Variants in PDSS2 observed in about 807,000 individuals in gnomAD.
PDSS2 encodes the protein all trans-polyprenyl-diphosphate synthase PDSS2.
Under a neutral mutation model 44.5 loss-of-function variants are expected in PDSS2, and 31 were observed. The observed-to-expected ratio is 0.70, with a 90% confidence interval of 0.52 to 0.94. The LOEUF is 0.94. Ranked by LOEUF, PDSS2 falls within the 40% of genes least tolerant of loss-of-function variation. The pLI, the probability that PDSS2 is intolerant of heterozygous loss-of-function variation, is 0.00. For missense variants in PDSS2, 452 were observed against 482.2 expected (o/e 0.94, Z 0.59); for synonymous variants, 157 against 180.3 (o/e 0.87, Z 1.03).
chr6:107,229,865 C>A (rs1292110982), intron 4 of PDSS2: 1 of 182,298 alleles, frequency 5.5e-6, no homozygotes. Context: ...TGGAGGGCAA[C>A]AGTACCTAAG....
chr6:107,313,445 T>G (rs1034049678), intron 2 of PDSS2, among the ~76,000 whole-genome samples: 1 of 152,064 alleles, frequency 6.6e-6, no homozygotes, highest in Non-Finnish European at 1.5e-5. Context: ...CTCTGCCTCC[T>G]AGATTCAAGC....
At chr6:107,200,572 TA>T (rs1161784026) in intron 6 of PDSS2, among the ~76,000 whole-genome samples, 2 of 152,228 alleles carry the variant, frequency 1.3e-5, no homozygotes, top group Non-Finnish European at 2.9e-5. Flanking sequence ...AACAACTATG[TA>T]AACTCCATAA....
Position 107,210,576 on chromosome 6 carries a change from A to G in PDSS2, c.877-6T>C, listed in dbSNP as rs1418110367. The G allele has an allele frequency of 3.2e-6, 5 of 1,573,954 alleles. No individual in the cohort carries two copies. Among genetic ancestry groups the G allele is most frequent in the Non-Finnish European group, 3.5e-6 (4 of 1,143,936 alleles). ...GGCTGGACATCAGAATTTATCTACAAGAAGCAATTAAATGAGTAAATTAGT... is the reference window on the plus strand; with the variant it reads ...GGCTGGACATCAGAATTTATCTACAGGAAGCAATTAAATGAGTAAATTAGT... On this transcript the variant is annotated splice_region_variant and splice_polypyrimidine_tract_variant and intron_variant, in intron 5 of 7. Transcript: ENST00000369037.
At chr6:107,291,745 G>C (rs955419398) in intron 2 of PDSS2, among the ~76,000 whole-genome samples, 2 of 151,858 alleles carry the variant, frequency 1.3e-5, no homozygotes, top group Non-Finnish European at 2.9e-5. Flanking sequence ...GGGCACGGTG[G>C]CTCATGCCTG....
intron 7 of PDSS2, among the ~76,000 whole-genome samples, chr6:107,183,682 G>A (rs545316450): frequency 6.6e-6 from 1 of 152,236 alleles, no homozygotes; most frequent in East Asian, 1.9e-4. Context: ...GGCAGATCAC[G>A]AGGTCAGGAG....
At chr6:107,397,135 T>C (rs1479058699) in intron 1 of PDSS2, among the ~76,000 whole-genome samples, 1 of 152,026 alleles carries the variant, frequency 6.6e-6, no homozygotes. Flanking sequence ...TCCTCTAGAT[T>C]AGTAGTTCTC....
At chr6:107,244,586 G>C (rs1774548701) in intron 4 of PDSS2, among the ~76,000 whole-genome samples, 1 of 152,154 alleles carries the variant, frequency 6.6e-6, no homozygotes, top group Non-Finnish European at 1.5e-5. Context: ...ACCAAACGTT[G>C]GCAGATGTCC....
intron 7 of PDSS2, among the ~76,000 whole-genome samples, chr6:107,189,729 G>C (rs1772303869): frequency 6.6e-6 from 1 of 152,114 alleles, no homozygotes; most frequent in South Asian, 2.1e-4. Flanking sequence ...GCCATTGCTT[G>C]GTCCAGGGGT....
In PDSS2 at chr6:107,154,220, A is replaced by G. The variant is rs1183088908; in HGVS notation, c.*399T>C. 1 of 267,462 alleles carries G rather than the reference A, an allele frequency of 3.7e-6. No homozygotes were observed. The highest frequency in any genetic ancestry group is 7.2e-6 in the Non-Finnish European group (1 of 138,110). The allele number at this position is 267,462 out of a possible 1,614,324, so 16.6% of individuals were successfully genotyped here. ...ATCCTCCCTGGTTGGTATTGAGAGC[A>G]TTTCTCTTGACACCTGCAGCTTCCA... On this transcript the variant is annotated 3_prime_UTR_variant, in exon 8 of 8. Coordinates refer to ENST00000369037, the MANE Select transcript of PDSS2 (RefSeq NM_020381.4).
intron 1 of PDSS2, among the ~76,000 whole-genome samples, chr6:107,368,889 A>T (rs1323004032): frequency 6.6e-6 from 1 of 152,198 alleles, no homozygotes; most frequent in African/African-American, 2.4e-5. Context: ...AAAGAACAAA[A>T]TTAGAGGACT....
Position 107,264,229 on chromosome 6 carries a change from G to A in PDSS2, c.630+9800C>T, listed in dbSNP as rs1471831433. 5 of 1,240,326 alleles carry A rather than the reference G, an allele frequency of 4.0e-6. No individual in the cohort carries two copies. The East Asian group carries it at 1.4e-4, about 34-fold the overall frequency. The allele number at this position is 1,240,326 out of a possible 1,614,324, so 76.8% of individuals were successfully genotyped here. On this transcript the variant is annotated intron_variant, in intron 3 of 7. Coordinates refer to ENST00000369037, the MANE Select transcript of PDSS2 (RefSeq NM_020381.4). ...TTAAACTATATAGATGGTGTAAAGGGAGATTTATATGCATAAATTGAGCAT... is the reference window on the plus strand; with the variant it reads ...TTAAACTATATAGATGGTGTAAAGGAAGATTTATATGCATAAATTGAGCAT...
chr6:107,388,477 C>G (rs1248115670), intron 1 of PDSS2, among the ~76,000 whole-genome samples: 2 of 139,686 alleles, frequency 1.4e-5, no homozygotes, highest in Non-Finnish European at 3.0e-5. Context: ...GAGACGGAGT[C>G]TCGCTCTGTC....
chr6:107,456,212 T>C (rs565116113), intron 1 of PDSS2, among the ~76,000 whole-genome samples: 2 of 152,092 alleles, frequency 1.3e-5, no homozygotes, highest in African/African-American at 2.4e-5. Context: ...TCCCAGGTAC[T>C]TGGGGGGCTG....
chr6:107,235,530 C>T (rs991730562), intron 4 of PDSS2, among the ~76,000 whole-genome samples: 1 of 152,172 alleles, frequency 6.6e-6, no homozygotes, highest in African/African-American at 2.4e-5. Flanking sequence ...TTAAAAGTGA[C>T]ACCTGAAAGA....
At chr6:107,210,683 A>G in intron 5 of PDSS2, 113 bp from the exon 6 acceptor site, 2 of 737,822 alleles carry the variant, frequency 2.7e-6, no homozygotes, top group Non-Finnish European at 4.7e-6. Flanking sequence ...TAAGGAATGC[A>G]GTTTTTAGAT....
At chr6:107,195,507 C>T (rs1772525313) in intron 6 of PDSS2, among the ~76,000 whole-genome samples, 1 of 149,118 alleles carries the variant, frequency 6.7e-6, no homozygotes, top group Non-Finnish European at 1.5e-5. Context: ...AAAAATGGTC[C>T]TGACCCTTCT....
chr6:107,323,911 T>C (rs1777459800), intron 2 of PDSS2, among the ~76,000 whole-genome samples: 1 of 152,222 alleles, frequency 6.6e-6, no homozygotes, highest in African/African-American at 2.4e-5. Flanking sequence ...CTATATCATG[T>C]TATTTACATG....
At chr6:107,341,727 G>A (rs1470745394) in intron 1 of PDSS2, among the ~76,000 whole-genome samples, 1 of 152,178 alleles carries the variant, frequency 6.6e-6, no homozygotes, top group Non-Finnish European at 1.5e-5. Flanking sequence ...ACAATGCACA[G>A]AAACCAGGGC....
chr6:107,219,986 T>C (rs1773546038), intron 4 of PDSS2, among the ~76,000 whole-genome samples: 1 of 152,168 alleles, frequency 6.6e-6, no homozygotes, highest in Admixed American at 6.6e-5. Flanking sequence ...TCGAAAACAT[T>C]ATGCTAAGTG....
Sources: gnomAD v4.1 joint callset for allele counts (sites outside exome capture counted in the v4.1 genomes callset) on GRCh38, gnomAD v4.1.1 for gene constraint, MANE v1.5 for transcripts, NCBI Gene and HGNC (gene_info 2026-07-23, HGNC 2026-07-21) for gene names.